Variants in IL1RAPL2 observed in about 807,000 individuals in gnomAD.
The protein encoded by IL1RAPL2 is X-linked interleukin-1 receptor accessory protein-like 2.
IL1RAPL2 carries 3 observed loss-of-function variants against 44.1 expected under a neutral mutation model. That is an observed-to-expected ratio of 0.07 (90% CI 0.03 to 0.18). The LOEUF (loss-of-function observed/expected upper bound fraction) is 0.18, where lower values mean the gene tolerates loss of function less well. Ranked by LOEUF, IL1RAPL2 falls within the 10% of genes least tolerant of loss-of-function variation. IL1RAPL2 has a pLI of 1.00. For missense variants in IL1RAPL2, 391 were observed against 496.4 expected, an observed-to-expected ratio of 0.79 and a Z score of 2.02; for synonymous variants, 181 against 178.8, an observed-to-expected ratio of 1.01 and a Z score of -0.10.
intron 4 of IL1RAPL2, among the ~76,000 whole-genome samples, chrX:105,236,522 G>T (rs1042799650): frequency 2.7e-5 from 3 of 111,956 alleles, no homozygotes; most frequent in African/African-American, 6.5e-5. Flanking sequence ...TTTTATAGAA[G>T]AAGTGACTGG....
Position 105,038,258 on chromosome X carries a change from C to G in IL1RAPL2, c.83-157217C>G, listed in dbSNP as rs1265588584. On this transcript the variant is annotated intron_variant, in intron 2 of 10. Transcript: ENST00000372582. ...ATCATTTTGCAAAATCCAATGGTAA[C>G]TTCCCTGTCCTCTTTATACTCAACC... Among the ~76,000 whole-genome samples, 33 of 111,397 alleles carry G rather than the reference C, an allele frequency of 3.0e-4. 1 individual carries two copies. The highest frequency in any genetic ancestry group is 1.1e-3 in the African/African-American group (33 of 30,628).
At chrX:104,941,482 T>A (rs1288083608) in intron 2 of IL1RAPL2, among the ~76,000 whole-genome samples, 5 of 112,208 alleles carry the variant, frequency 4.5e-5, no homozygotes, top group African/African-American at 1.6e-4. Flanking sequence ...CATGTGTCTG[T>A]TGGCTGCATA....
At chrX:104,987,517 G>A (rs1377827473) in intron 2 of IL1RAPL2, among the ~76,000 whole-genome samples, 2 of 110,197 alleles carry the variant, frequency 1.8e-5, no homozygotes, top group East Asian at 5.7e-4. Flanking sequence ...TCTCAACTAC[G>A]GAACTGTTCC....
intron 5 of IL1RAPL2, among the ~76,000 whole-genome samples, chrX:105,296,724 T>C (rs2034656920): frequency 8.9e-6 from 1 of 112,513 alleles, no homozygotes; most frequent in Admixed American, 9.4e-5. Flanking sequence ...TAGTCTTGGC[T>C]CTGTCACCAA....
At chrX:104,714,162 G>A (rs1456284692) in intron 2 of IL1RAPL2, among the ~76,000 whole-genome samples, 5 of 110,680 alleles carry the variant, frequency 4.5e-5, no homozygotes, top group Non-Finnish European at 9.5e-5. Context: ...TGTTGAATAC[G>A]AGTGGTGAGA....
chrX:104,881,591 T>G (rs1024469743), intron 2 of IL1RAPL2, among the ~76,000 whole-genome samples: 1 of 112,285 alleles, frequency 8.9e-6, no homozygotes, highest in African/African-American at 3.2e-5. Context: ...ATCAGGCAAT[T>G]TATTATAAAA....
chrX:105,585,459 C>A (rs1222804162), intron 6 of IL1RAPL2, among the ~76,000 whole-genome samples: 2 of 110,229 alleles, frequency 1.8e-5, no homozygotes, highest in Non-Finnish European at 3.8e-5. Flanking sequence ...ACCTGTCAAC[C>A]CATCACCTAA....
At chrX:104,839,733 C>T (rs989524877) in intron 2 of IL1RAPL2, among the ~76,000 whole-genome samples, 6 of 111,117 alleles carry the variant, frequency 5.4e-5, no homozygotes, top group African/African-American at 1.6e-4. Context: ...TTTTTTGTTT[C>T]GTAGGCTACT....
intron 1 of IL1RAPL2, among the ~76,000 whole-genome samples, chrX:104,588,181 C>T (rs189074861): frequency 9.0e-6 from 1 of 111,279 alleles, no homozygotes; most frequent in South Asian, 3.8e-4. Flanking sequence ...AACCCACTAA[C>T]CACTAAGTTG....
At chrX:105,606,559 C>A (rs2037293814) in intron 6 of IL1RAPL2, among the ~76,000 whole-genome samples, 1 of 110,991 alleles carries the variant, frequency 9.0e-6, no homozygotes. Flanking sequence ...GGATATATAT[C>A]CAAAGGAAAG....
At chrX:105,712,720 A>G (rs755370089) in intron 6 of IL1RAPL2, among the ~76,000 whole-genome samples, 20 of 111,821 alleles carry the variant, frequency 1.8e-4, no homozygotes, top group Admixed American at 1.1e-3. Flanking sequence ...TGCCTTCCCA[A>G]TAGTCCCCCA....
chrX:105,637,005 C>T (rs59472511), intron 6 of IL1RAPL2, among the ~76,000 whole-genome samples: 7,283 of 110,643 alleles, frequency 0.066, 616 homozygotes, highest in African/African-American at 0.23. Flanking sequence ...TATACAATGG[C>T]ACTAAGTCTA....
At chrX:105,678,139 A>G (rs1350766515) in intron 6 of IL1RAPL2, among the ~76,000 whole-genome samples, 2 of 112,296 alleles carry the variant, frequency 1.8e-5, no homozygotes, top group Non-Finnish European at 3.8e-5. Flanking sequence ...CACAAACAAT[A>G]CATAAATATT....
intron 2 of IL1RAPL2, among the ~76,000 whole-genome samples, chrX:104,731,757 A>T (rs954587319): frequency 8.9e-6 from 1 of 112,112 alleles, no homozygotes; most frequent in African/African-American, 3.2e-5. Flanking sequence ...AAGGAGAAAA[A>T]AATCAGTGCT....
intron 5 of IL1RAPL2, among the ~76,000 whole-genome samples, chrX:105,371,825 AT>A (rs1342753927): frequency 2.7e-5 from 3 of 111,879 alleles, no homozygotes; most frequent in African/African-American, 9.7e-5. Context: ...TTTTGGTGCA[AT>A]AAACCAGTGA....
chrX:104,811,720 G>A (rs768343820), intron 2 of IL1RAPL2, among the ~76,000 whole-genome samples: 4 of 110,937 alleles, frequency 3.6e-5, no homozygotes, highest in Non-Finnish European at 7.6e-5. Flanking sequence ...CGAATCATCA[G>A]AAGTGACTCA....
intron 2 of IL1RAPL2, among the ~76,000 whole-genome samples, chrX:105,016,562 T>C (rs1366238185): frequency 8.9e-6 from 1 of 111,871 alleles, no homozygotes; most frequent in Non-Finnish European, 1.9e-5. Context: ...TCTGCATCTA[T>C]CGAGATAATC....
intron 2 of IL1RAPL2, among the ~76,000 whole-genome samples, chrX:105,006,342 A>G (rs1294089580): frequency 9.1e-5 from 10 of 110,325 alleles, no homozygotes; most frequent in Non-Finnish European, 1.9e-4. Context: ...ATGAGTGCCT[A>G]GGAGGAAACA....
At chrX:105,378,866 G>C (rs962124829) in intron 5 of IL1RAPL2, among the ~76,000 whole-genome samples, 1 of 111,713 alleles carries the variant, frequency 9.0e-6, no homozygotes, top group African/African-American at 3.3e-5. Flanking sequence ...AATATTTCTT[G>C]AATAGCTACT....
Sources: allele counts gnomAD v4.1 joint callset (sites outside exome capture counted in the v4.1 genomes callset), GRCh38; gene constraint gnomAD v4.1.1; transcripts MANE v1.5; gene names NCBI Gene and HGNC (gene_info 2026-07-23, HGNC 2026-07-21).